Variants in ALDH1L1 observed in about 807,000 individuals in gnomAD.
The protein encoded by ALDH1L1 is aldehyde dehydrogenase 1 family member L1.
In ALDH1L1, 68 loss-of-function variants were observed where a neutral mutation model predicts 101.1. That is an observed-to-expected ratio of 0.67 (90% CI 0.55 to 0.82). ALDH1L1 has a LOEUF of 0.82. Ranked by LOEUF, ALDH1L1 falls within the 40% of genes least tolerant of loss-of-function variation. The pLI is 0.00. For synonymous variants in ALDH1L1, 486 were observed against 470.8 expected (o/e 1.03, Z -0.42); for missense variants, 1,087 against 1,172.7 (o/e 0.93, Z 1.07).
intron 10 of ALDH1L1, 140 bp from the exon 11 acceptor site, chr3:126,137,023 G>T: frequency 3.9e-6 from 5 of 1,282,592 alleles, no homozygotes; most frequent in Non-Finnish European, 5.3e-6. Context: ...AGCTGAGCAG[G>T]GGAGAGACAA....
intron 1 of ALDH1L1, among the ~76,000 whole-genome samples, chr3:126,173,244 A>G (rs1165728788): frequency 6.6e-6 from 1 of 152,250 alleles, no homozygotes; most frequent in Admixed American, 6.5e-5. Context: ...AATTGCAACA[A>G]TGTATTCAGT....
In ALDH1L1 at chr3:126,155,464, T is replaced by TG. The variant is rs766368224; in HGVS notation, c.567dup (p.Arg190GlnfsTer6). On this transcript the variant is annotated frameshift_variant, in exon 5 of 23. Coordinates refer to ENST00000393434, the MANE Select transcript of ALDH1L1 (RefSeq NM_012190.4). LOFTEE classifies it high-confidence loss of function. The stretch of plus-strand genomic sequence containing the variant: ...GCTCCTTCCTCAGGCTGAGGGAGTC[T>TG]GGGGGCTTTGCCCTCAGCGATCAGC... 2 of 1,613,260 alleles carry TG rather than the reference T, an allele frequency of 1.2e-6. No individual in the cohort carries two copies. Among genetic ancestry groups the TG allele is most frequent in the Non-Finnish European group, 1.7e-6 (2 of 1,179,700 alleles).
At chr3:126,123,635 C>CAAAAAAAAAAAAAAAA (rs10652286) in intron 16 of ALDH1L1, among the ~76,000 whole-genome samples, 2 of 128,860 alleles carry the variant, frequency 1.6e-5, no homozygotes, top group African/African-American at 2.8e-5. Context: ...CAAAAAGCTG[C>CAAAAAAAAAAAAAAAA]AAAAAAAAAA....
At chr3:126,164,704 A>G (rs1028700173) in intron 1 of ALDH1L1, among the ~76,000 whole-genome samples, 7 of 152,256 alleles carry the variant, frequency 4.6e-5, no homozygotes, top group African/African-American at 1.7e-4. Context: ...TCTTTTTCAT[A>G]TAATGATCTA....
chr3:126,125,826 G>T, intron 14 of ALDH1L1, 105 bp from the exon 15 acceptor site: 1 of 816,856 alleles, frequency 1.2e-6, no homozygotes, highest in Non-Finnish European at 1.8e-6. Flanking sequence ...CACTCTCAAA[G>T]CCAGGCTTCC....
At chr3:126,156,202 G>A (rs911419206) in intron 4 of ALDH1L1, 1 of 152,260 alleles carries the variant, frequency 6.6e-6, no homozygotes, top group Non-Finnish European at 1.5e-5. Flanking sequence ...CATTTTAATT[G>A]ATTTAATAGC....
At chr3:126,176,267 TC>T (rs1217744590) in intron 1 of ALDH1L1, among the ~76,000 whole-genome samples, 1 of 152,170 alleles carries the variant, frequency 6.6e-6, no homozygotes, top group East Asian at 1.9e-4. Context: ...TCCGACTTTA[TC>T]TATAGATTCA....
At chr3:126,159,986 C>A (rs2081008016) in intron 2 of ALDH1L1, among the ~76,000 whole-genome samples, 1 of 152,172 alleles carries the variant, frequency 6.6e-6, no homozygotes, top group Non-Finnish European at 1.5e-5. Context: ...AGCCCTGCCC[C>A]ACAGTCTGTC....
At chr3:126,170,351 T>C (rs2081249473) in intron 1 of ALDH1L1, among the ~76,000 whole-genome samples, 1 of 149,366 alleles carries the variant, frequency 6.7e-6, no homozygotes, top group Non-Finnish European at 1.5e-5. Flanking sequence ...ATTATTATCC[T>C]CATAGCAGGA....
Position 126,147,270 on chromosome 3 carries a change from G to A in ALDH1L1, c.985-344C>T, listed in dbSNP as rs558631143. On this transcript the variant is annotated intron_variant, in intron 8 of 22. Transcript: ENST00000393434. The stretch of plus-strand genomic sequence containing the variant: ...CATGGCTGGGGACTAGGAAGGTGGG[G>A]CCCAGCTGCTCCTGACCCCCACTCA... Among the ~76,000 whole-genome samples the A allele has an allele frequency of 3.3e-5, 5 of 152,170 alleles. No homozygotes were observed. The East Asian group carries it at 9.6e-4, about 29-fold the overall frequency.
intron 20 of ALDH1L1, among the ~76,000 whole-genome samples, chr3:126,109,525 A>G (rs1327623739): frequency 6.6e-6 from 1 of 152,094 alleles, no homozygotes; most frequent in East Asian, 1.9e-4. Context: ...CTGCGGGCAA[A>G]AAGTCCCCCA....
intron 12 of ALDH1L1, among the ~76,000 whole-genome samples, chr3:126,133,489 A>G (rs2108242462): frequency 6.6e-6 from 1 of 152,152 alleles, no homozygotes; most frequent in African/African-American, 2.4e-5. Context: ...AATCCCCCAC[A>G]TTTCTAGATA....
intron 17 of ALDH1L1, among the ~76,000 whole-genome samples, chr3:126,115,929 G>A (rs565098576): frequency 6.6e-6 from 1 of 151,796 alleles, no homozygotes; most frequent in African/African-American, 2.4e-5. Flanking sequence ...CTGGAGTACA[G>A]TGGTGTGATC....
intron 3 of ALDH1L1, 48 bp downstream of exon 3, chr3:126,158,357 G>T: frequency 6.8e-7 from 1 of 1,463,576 alleles, no homozygotes; most frequent in Non-Finnish European, 9.3e-7. Flanking sequence ...TCAGGCTGAT[G>T]GAGGGACATG....
intron 14 of ALDH1L1, chr3:126,128,277 G>A (rs1253874264): frequency 2.0e-5 from 3 of 152,258 alleles, no homozygotes; most frequent in Non-Finnish European, 4.4e-5. Flanking sequence ...TCTCCTCTTA[G>A]TCCCATTACC....
At chr3:126,190,334 C>A (rs951102497) in intron 1 of ALDH1L1, among the ~76,000 whole-genome samples, 1 of 152,188 alleles carries the variant, frequency 6.6e-6, no homozygotes, top group Non-Finnish European at 1.5e-5. Context: ...GCTATCAACT[C>A]TTTTAGCAAT....
At chr3:126,150,657 C>G in intron 7 of ALDH1L1, 126 bp from the exon 8 acceptor site, 1 of 1,177,176 alleles carries the variant, frequency 8.5e-7, no homozygotes, top group Non-Finnish European at 1.2e-6. Flanking sequence ...CGGGTTGAAG[C>G]GATTCTCCTG....
intron 9 of ALDH1L1, among the ~76,000 whole-genome samples, chr3:126,144,424 G>A (rs1472436752): frequency 6.6e-6 from 1 of 152,176 alleles, no homozygotes; most frequent in Admixed American, 6.5e-5. Context: ...AAAGAACAAA[G>A]TTAGAGGACT....
At chr3:126,186,009 T>TG (rs1368693589), upstream of ALDH1L1, among the ~76,000 whole-genome samples, 5 of 151,582 alleles carry the variant, frequency 3.3e-5, no homozygotes, top group South Asian at 2.1e-4. Flanking sequence ...GAAAGTGGAA[T>TG]GGGGGGTGCC....
Sources: gnomAD v4.1 joint callset for allele counts (sites outside exome capture counted in the v4.1 genomes callset) on GRCh38, gnomAD v4.1.1 for gene constraint, MANE v1.5 for transcripts, NCBI Gene and HGNC (gene_info 2026-07-23, HGNC 2026-07-21) for gene names.